The following NME7 variants were observed in gnomAD, a reference collection of about 807,000 sequenced individuals.
The protein encoded by NME7 is NME/NM23 family member 7, also known as nucleoside diphosphate kinase 7.
Under a neutral mutation model 49.1 loss-of-function variants are expected in NME7, and 41 were observed. The ratio of observed to expected loss-of-function variants is 0.83; its 90% confidence interval spans 0.65 to 1.08. The LOEUF (loss-of-function observed/expected upper bound fraction) is 1.08, where lower values mean the gene tolerates loss of function less well. Among genes scored for constraint, NME7 ranks in the 50% least tolerant of loss-of-function variants. The probability of loss-of-function intolerance (pLI) is 0.00; values close to 1 mark genes in which losing one functional copy is unlikely to be tolerated. For missense variants in NME7, 423 were observed against 463.4 expected (o/e 0.91, Z 0.80); for synonymous variants, 139 against 150.6 (o/e 0.92, Z 0.56).
At chr1:169,213,852 A>C (rs10800417) in intron 10 of NME7, among the ~76,000 whole-genome samples, 56,742 of 150,998 alleles carry the variant, frequency 0.38, 11,358 homozygotes, top group East Asian at 0.79. Flanking sequence ...TATACACACA[A>C]ACATACACAC....
intron 7 of NME7, among the ~76,000 whole-genome samples, chr1:169,274,426 C>T (rs1163684870): frequency 2.3e-5 from 3 of 133,168 alleles, no homozygotes; most frequent in Non-Finnish European, 3.5e-5. Flanking sequence ...TGCCTGTTCA[C>T]TCTGATGGTA....
chr1:169,307,225 G>A (rs1239197139), intron 4 of NME7, among the ~76,000 whole-genome samples: 1 of 152,208 alleles, frequency 6.6e-6, no homozygotes. Flanking sequence ...GGAAAGGAAT[G>A]TCCCTGGAGA....
chr1:169,199,568 C>A (rs1191149741), intron 10 of NME7, among the ~76,000 whole-genome samples: 1 of 151,392 alleles, frequency 6.6e-6, no homozygotes, highest in Non-Finnish European at 1.5e-5. Context: ...ATCCTCCCGC[C>A]TCAGCCTCCC....
At chr1:169,301,149 G>A (rs1314514421) in intron 5 of NME7, among the ~76,000 whole-genome samples, 1 of 152,084 alleles carries the variant, frequency 6.6e-6, no homozygotes, top group Non-Finnish European at 1.5e-5. Flanking sequence ...ACAATCCACA[G>A]AATGAGAGAA....
intron 1 of NME7, among the ~76,000 whole-genome samples, chr1:169,365,249 C>T (rs1653808916): frequency 6.6e-6 from 1 of 152,158 alleles, no homozygotes; most frequent in African/African-American, 2.4e-5. Flanking sequence ...CCTTGAAAAC[C>T]ACAACTTCCA....
intron 11 of NME7, among the ~76,000 whole-genome samples, chr1:169,159,995 C>A (rs1199877822): frequency 6.6e-6 from 1 of 152,154 alleles, no homozygotes; most frequent in Non-Finnish European, 1.5e-5. Flanking sequence ...CCTAGACTTA[C>A]ATATCTCTAG....
intron 10 of NME7, among the ~76,000 whole-genome samples, chr1:169,190,478 A>G (rs1054983094): frequency 4.0e-5 from 6 of 151,138 alleles, no homozygotes; most frequent in Non-Finnish European, 7.4e-5. Flanking sequence ...TAGTTTTAAA[A>G]TTTTTAGTCT....
chr1:169,299,089 G>A (rs1261388041), intron 5 of NME7, among the ~76,000 whole-genome samples: 4 of 152,094 alleles, frequency 2.6e-5, no homozygotes, highest in Non-Finnish European at 2.9e-5. Flanking sequence ...CAGGTACAGA[G>A]GATTTTCCTT....
intron 1 of NME7, among the ~76,000 whole-genome samples, chr1:169,342,860 T>C (rs1316313960): frequency 2.1e-5 from 2 of 95,326 alleles, no homozygotes; most frequent in African/African-American, 7.4e-5. Context: ...TATATATATA[T>C]ACAAGTACAT....
intron 3 of NME7, among the ~76,000 whole-genome samples, chr1:169,320,760 C>T (rs1038378573): frequency 6.6e-6 from 1 of 152,146 alleles, no homozygotes; most frequent in Non-Finnish European, 1.5e-5. Context: ...ATATATACTA[C>T]ATATATTTTC....
At chr1:169,303,242 CACTT>C (rs1651019536) in intron 4 of NME7, 47 bp from the exon 5 acceptor site, 3 of 998,062 alleles carry the variant, frequency 3.0e-6, no homozygotes, top group Non-Finnish European at 4.4e-6. Flanking sequence ...TAAAATTAAA[CACTT>C]ATTATTTTAG....
intron 10 of NME7, among the ~76,000 whole-genome samples, chr1:169,185,170 A>G (rs1660033503): frequency 6.6e-6 from 1 of 152,126 alleles, no homozygotes; most frequent in Admixed American, 6.5e-5. Flanking sequence ...TTTCTTCCTG[A>G]CTCAAACACC....
At position 169,367,744 on chromosome 1, in the gene NME7, C is replaced by T. The variant is rs759866194; in HGVS notation, c.-34G>A. On this transcript the variant is annotated 5_prime_UTR_variant, in exon 1 of 12. Coordinates refer to ENST00000367811, the MANE Select transcript of NME7 (RefSeq NM_013330.5). Reference sequence around the variant, plus strand: ...GATCTCAGCACTAGAAAATAGGTATCGTTGAGACAGGAAGACACCACCACC... The same window carrying T: ...GATCTCAGCACTAGAAAATAGGTATTGTTGAGACAGGAAGACACCACCACC... The T allele has an allele frequency of 1.7e-5, 28 of 1,613,840 alleles. No individual in the cohort carries two copies. In the South Asian group the frequency reaches 2.9e-4, roughly 16 times the overall value.
At chr1:169,278,901 C>G (rs186232338) in intron 7 of NME7, among the ~76,000 whole-genome samples, 3 of 152,278 alleles carry the variant, frequency 2.0e-5, no homozygotes, top group African/African-American at 7.2e-5. Flanking sequence ...TTCCTTCTAA[C>G]AGACAGGACC....
At chr1:169,251,547 C>CTTTTTT (rs36096137) in intron 7 of NME7, among the ~76,000 whole-genome samples, 1 of 123,976 alleles carries the variant, frequency 8.1e-6, no homozygotes, top group Non-Finnish European at 1.7e-5. Context: ...ACTCTGGTTT[C>CTTTTTT]TTTTTTTTTT....
rs115285296 is a variant in NME7 at position 169,234,856 on chromosome 1, A to T, written c.888+275T>A. 6.9e-3 allele frequency among the ~76,000 whole-genome samples: 1,047 copies of T among 152,240 alleles called. 15 individuals are homozygous for T. Among genetic ancestry groups the T allele is most frequent in the African/African-American group, 0.024 (985 of 41,566 alleles). ...TGACTGGTTAACATCAGGTTACCTC[A>T]GGTTACTTTTTGTTGTATGGATGAA... On this transcript the variant is annotated intron_variant, in intron 9 of 11. Transcript: ENST00000367811.
intron 10 of NME7, among the ~76,000 whole-genome samples, chr1:169,185,849 T>A (rs1660050264): frequency 6.6e-6 from 1 of 152,142 alleles, no homozygotes; most frequent in Admixed American, 6.6e-5. Flanking sequence ...GAATGTCTCT[T>A]CCTAGAGTTG....
chr1:169,354,531 ATTGT>A (rs1300600181), intron 1 of NME7, among the ~76,000 whole-genome samples: 4 of 151,624 alleles, frequency 2.6e-5, no homozygotes, highest in Admixed American at 2.0e-4. Context: ...GTGTAACTTG[ATTGT>A]TTGTTAACAC....
intron 1 of NME7, among the ~76,000 whole-genome samples, chr1:169,338,587 G>C (rs1055773428): frequency 6.6e-6 from 1 of 152,130 alleles, no homozygotes; most frequent in African/African-American, 2.4e-5. Flanking sequence ...GAAAATTTTT[G>C]CTCTCTGACT....
Sources: allele counts gnomAD v4.1 joint callset (sites outside exome capture counted in the v4.1 genomes callset), GRCh38; gene constraint gnomAD v4.1.1; transcripts MANE v1.5; gene names NCBI Gene and HGNC (gene_info 2026-07-23, HGNC 2026-07-21).